HACL1: variants seen among roughly 807,000 people sequenced by gnomAD.
HACL1 encodes the protein 1600020H07Rik.
In HACL1, 64 loss-of-function variants were observed where a neutral mutation model predicts 74.2. That is an observed-to-expected ratio of 0.86 (90% CI 0.70 to 1.06). The LOEUF (loss-of-function observed/expected upper bound fraction) is 1.06, where lower values mean the gene tolerates loss of function less well. Among genes scored for constraint, HACL1 ranks in the 50% least tolerant of loss-of-function variants. The pLI is 0.00. For synonymous variants in HACL1, 230 were observed against 238.8 expected (o/e 0.96, Z 0.34); for missense variants, 728 against 719.7 (o/e 1.01, Z -0.13).
chr3:15,601,420 G>T lies in HACL1; in HGVS notation c.44C>A (p.Ser15Tyr), dbSNP rs753727327. ...GGCCTGAGCGATGACTTTAGCACCA[G>T]ACACCTGCTCCTCGCTGCGCTCTGC... ...NFAERSEEQV[S>Y]GAKVIAQALK... The change falls in exon 1 of 17, where the codon TCT becomes TAT. Residue 15 changes from serine (S) to tyrosine (Y), a missense_variant. Physicochemically the swap from Ser to Tyr is moderately radical, Grantham distance 144 (BLOSUM62 -2). Transcript: ENST00000321169. 1.9e-6 allele frequency: 3 copies of T among 1,614,012 alleles called. No individual in the cohort carries two copies. The highest frequency in any genetic ancestry group is 1.6e-4 in the Middle Eastern group (1 of 6,062).
intron 2 of HACL1, among the ~76,000 whole-genome samples, chr3:15,597,521 C>A (rs2064089140): frequency 6.8e-6 from 1 of 146,496 alleles, no homozygotes; most frequent in South Asian, 2.1e-4. Flanking sequence ...AGTATTATTT[C>A]TTCTCATTTC....
At chr3:15,582,090 G>A (rs1013125831) in intron 8 of HACL1, among the ~76,000 whole-genome samples, 26 of 152,058 alleles carry the variant, frequency 1.7e-4, no homozygotes, top group African/African-American at 6.3e-4. Flanking sequence ...ACTATTTTTA[G>A]TTTCTACAGA....
chr3:15,582,316 A>G (rs2063727656), intron 8 of HACL1, among the ~76,000 whole-genome samples: 1 of 152,224 alleles, frequency 6.6e-6, no homozygotes, highest in Non-Finnish European at 1.5e-5. Context: ...CTTAAATCCT[A>G]AATATAGAAA....
intron 3 of HACL1, among the ~76,000 whole-genome samples, chr3:15,592,053 T>C (rs1376175748): frequency 3.6e-5 from 1 of 27,558 alleles, no homozygotes; most frequent in African/African-American, 1.6e-4. Flanking sequence ...ACACACTATA[T>C]ACGTATATAT....
chr3:15,566,395 T>C (rs1306429091), intron 14 of HACL1, among the ~76,000 whole-genome samples: 11 of 152,232 alleles, frequency 7.2e-5, no homozygotes, highest in East Asian at 1.9e-4. Flanking sequence ...GGCTCACACC[T>C]GTAATTCTAG....
intron 3 of HACL1, among the ~76,000 whole-genome samples, chr3:15,593,270 G>A (rs1364187997): frequency 6.6e-6 from 1 of 151,588 alleles, no homozygotes; most frequent in Non-Finnish European, 1.5e-5. Context: ...CTGGAGTGCA[G>A]TGGCATGATC....
chr3:15,571,256 TTTAA>T (rs1489138123), intron 12 of HACL1, among the ~76,000 whole-genome samples: 1 of 152,070 alleles, frequency 6.6e-6, no homozygotes, highest in Non-Finnish European at 1.5e-5. Flanking sequence ...ATTACAGGTG[TTTAA>T]TTGTGATGTT....
chr3:15,570,698 G>A (rs780670233), intron 12 of HACL1, among the ~76,000 whole-genome samples: 2 of 151,854 alleles, frequency 1.3e-5, no homozygotes, highest in Non-Finnish European at 2.9e-5. Context: ...TCATTTTAGT[G>A]CTAGTAGTAG....
chr3:15,598,475 G>A (rs1186850577), intron 2 of HACL1, among the ~76,000 whole-genome samples: 1 of 152,120 alleles, frequency 6.6e-6, no homozygotes, highest in Non-Finnish European at 1.5e-5. Context: ...TGTAATTTTG[G>A]CAAGTTGCTC....
chr3:15,582,903 T>A lies in HACL1; in HGVS notation c.641A>T (p.Lys214Ile). Reference protein sequence around the residue: ...CTAASVIRNAKQPLLIIGKGA... With the variant: ...CTAASVIRNAIQPLLIIGKGA... ...TTTCCCGATGATAAGAAGGGGTTGT[T>A]TGGCATTCCTAATAACAGAAGCCGC... Residue 214 changes from lysine to isoleucine, a missense_variant, in exon 8 of 17, where the codon AAA becomes ATA. Coordinates refer to ENST00000321169, the MANE Select transcript of HACL1 (RefSeq NM_012260.4). 1 of 1,603,604 alleles carries A rather than the reference T, an allele frequency of 6.2e-7. No individual in the cohort carries two copies. The highest frequency in any genetic ancestry group is 8.5e-7 in the Non-Finnish European group (1 of 1,170,646).
intron 3 of HACL1, among the ~76,000 whole-genome samples, chr3:15,593,220 C>T (rs1260878052): frequency 2.3e-5 from 3 of 129,290 alleles, no homozygotes; most frequent in Non-Finnish European, 4.5e-5. Context: ...TATATATACA[C>T]ACTTTTTTTT....
At chr3:15,560,950 T>G (rs1574900593) in intron 16 of HACL1, 53 bp from the exon 17 acceptor site, 3 of 1,278,310 alleles carry the variant, frequency 2.3e-6, no homozygotes, top group Non-Finnish European at 3.4e-6. Context: ...TGTCTCAAAT[T>G]ATATCCTCAT....
At chr3:15,600,121 T>TAAAGAA (rs2064168329) in intron 2 of HACL1, among the ~76,000 whole-genome samples, 1 of 152,232 alleles carries the variant, frequency 6.6e-6, no homozygotes, top group African/African-American at 2.4e-5. Context: ...TGTCATTCAA[T>TAAAGAA]TAATAAATAA....
intron 4 of HACL1, among the ~76,000 whole-genome samples, chr3:15,590,719 TTAAAG>T (rs1158446495): frequency 1.2e-4 from 18 of 152,338 alleles, no homozygotes; most frequent in African/African-American, 3.6e-4. Flanking sequence ...AATTCTTCAC[TTAAAG>T]TAAATAGAAC....
intron 2 of HACL1, among the ~76,000 whole-genome samples, chr3:15,599,322 G>C (rs2064131762): frequency 6.6e-6 from 1 of 152,174 alleles, no homozygotes; most frequent in Non-Finnish European, 1.5e-5. Flanking sequence ...CTTAGAGACA[G>C]AGGTCGTGCT....
At chr3:15,597,989 CTGTTT>C (rs766094945) in intron 2 of HACL1, among the ~76,000 whole-genome samples, 1 of 151,648 alleles carries the variant, frequency 6.6e-6, no homozygotes, top group South Asian at 2.1e-4. Context: ...TGAGAGGTAA[CTGTTT>C]TGTTTTGTTT....
chr3:15,572,281 T>C (rs1448755708), intron 11 of HACL1, among the ~76,000 whole-genome samples: 1 of 152,176 alleles, frequency 6.6e-6, no homozygotes, highest in Non-Finnish European at 1.5e-5. Flanking sequence ...ATGGGAAACA[T>C]GGAAGGCTTT....
intron 2 of HACL1, 25 bp from the exon 3 acceptor site, chr3:15,596,449 T>A: frequency 6.7e-7 from 1 of 1,487,108 alleles, no homozygotes; most frequent in Non-Finnish European, 9.4e-7. Flanking sequence ...CACTGGGACT[T>A]GAGCATATTG....
At chr3:15,591,561 T>A in intron 4 of HACL1, 39 bp downstream of exon 4, 1 of 1,269,574 alleles carries the variant, frequency 7.9e-7, no homozygotes, top group Non-Finnish European at 1.1e-6. Flanking sequence ...TGCAGTGACC[T>A]TTTTAAGAAA....
Sources: gnomAD v4.1 joint callset for allele counts (sites outside exome capture counted in the v4.1 genomes callset) on GRCh38, gnomAD v4.1.1 for gene constraint, MANE v1.5 for transcripts, NCBI Gene and HGNC (gene_info 2026-07-23, HGNC 2026-07-21) for gene names.